The following GTF3C2 variants were observed in gnomAD, a reference collection of about 807,000 sequenced individuals.
GTF3C2 encodes the protein general transcription factor IIIC subunit 2, also known as general transcription factor 3C polypeptide 2.
Under a neutral mutation model 117.4 loss-of-function variants are expected in GTF3C2, and 17 were observed. That is an observed-to-expected ratio of 0.14 (90% CI 0.10 to 0.22). GTF3C2 has a LOEUF of 0.22. GTF3C2 is among the 10% of genes least tolerant of loss of function. The pLI is 1.00. For missense variants in GTF3C2, 888 were observed against 1,143.6 expected (o/e 0.78, Z 3.22); for synonymous variants, 437 against 427.0 (o/e 1.02, Z -0.29).
chr2:27,331,133 T>G (rs1394494120), intron 12 of GTF3C2, among the ~76,000 whole-genome samples: 1 of 152,088 alleles, frequency 6.6e-6, no homozygotes, highest in Non-Finnish European at 1.5e-5. Context: ...GAGACTAAGA[T>G]AAATGGACTG....
At chr2:27,333,063 C>T (rs1202001180) in intron 12 of GTF3C2, among the ~76,000 whole-genome samples, 2 of 151,666 alleles carry the variant, frequency 1.3e-5, no homozygotes, top group Non-Finnish European at 2.9e-5. Context: ...CCCAGCTGGT[C>T]TTGAACTCCC....
chr2:27,338,392 G>A (rs1056577568), intron 4 of GTF3C2: 6 of 254,356 alleles, frequency 2.4e-5, no homozygotes, highest in Non-Finnish European at 3.8e-5. Context: ...AGGTCTCCTC[G>A]ATGATGGTAT....
chr2:27,327,965 T>C, intron 17 of GTF3C2, 72 bp downstream of exon 17: 1 of 1,284,352 alleles, frequency 7.8e-7, no homozygotes, highest in Non-Finnish European at 1.1e-6. Context: ...GAACTCAGGC[T>C]TGCGTACTAT....
exon 16 of GTF3C2, chr2:27,328,534 A>C: frequency 6.2e-7 from 1 of 1,610,334 alleles, no homozygotes; most frequent in Non-Finnish European, 8.5e-7. Flanking sequence ...ATATAGCAGC[A>C]ATGAGCTCCC....
chr2:27,333,078 T>G (rs1384008095), intron 12 of GTF3C2, among the ~76,000 whole-genome samples: 1 of 151,618 alleles, frequency 6.6e-6, no homozygotes, highest in Non-Finnish European at 1.5e-5. Context: ...ACTCCCAGCC[T>G]CAAGTGATTC....
chr2:27,355,589 C>G (rs1305937915), intron 1 of GTF3C2, among the ~76,000 whole-genome samples: 1 of 151,920 alleles, frequency 6.6e-6, no homozygotes, highest in African/African-American at 2.4e-5. Flanking sequence ...TCTGGATACA[C>G]AGTAAAGGAA....
chr2:27,329,152 C>T lies in GTF3C2; in HGVS notation c.2008G>A (p.Val670Ile). ...TAGCAGTTGTCCTGAGCCACAGTGA[C>T]ACCATTGTAGGGAAGCAGCCAGGCC... Residue 670 changes from valine (V) to isoleucine (I), a missense_variant, in exon 14 of 19, where the codon GTC becomes ATC. By Grantham distance (29) the Val-to-Ile change is conservative (BLOSUM62 3). Coordinates refer to ENST00000264720, the Ensembl canonical transcript of GTF3C2. This position sits in a 1 kb window ranked among gnomAD's most constrained non-coding sequence, Gnocchi z 4.5. 1 of 1,614,154 alleles carries T rather than the reference C, an allele frequency of 6.2e-7. No individual in the cohort carries two copies. Among genetic ancestry groups the T allele is most frequent in the Non-Finnish European group, 8.5e-7 (1 of 1,180,018 alleles).
At chr2:27,352,115 T>TCA (rs1462369713) in intron 1 of GTF3C2, among the ~76,000 whole-genome samples, 1 of 152,206 alleles carries the variant, frequency 6.6e-6, no homozygotes, top group Admixed American at 6.6e-5. Context: ...TCTCTGTATG[T>TCA]CAGCCACATC....
chr2:27,342,454 A>G (rs1364711785), intron 3 of GTF3C2: 10 of 566,404 alleles, frequency 1.8e-5, no homozygotes, highest in Admixed American at 3.1e-5. Flanking sequence ...ATCTGAACCC[A>G]GGTCTTCTCA....
Position 27,351,878 on chromosome 2 carries a change from C to T in GTF3C2, c.-25+4861G>A, listed in dbSNP as rs566976981. On this transcript the variant is annotated intron_variant, in intron 1 of 18. Transcript: ENST00000264720. ...GCAGACCAACAGTCCCACACGCCCCCCATCTTGTAAAAATCTTGTTCCTTT... is the reference window on the plus strand; with the variant it reads ...GCAGACCAACAGTCCCACACGCCCCTCATCTTGTAAAAATCTTGTTCCTTT... 3.9e-5 allele frequency among the ~76,000 whole-genome samples: 6 copies of T among 152,070 alleles called. No individual in the cohort carries two copies. The South Asian group carries it at 1.0e-3, about 26-fold the overall frequency.
intron 1 of GTF3C2, among the ~76,000 whole-genome samples, chr2:27,352,680 TAA>T (rs909333770): frequency 1.3e-5 from 2 of 152,152 alleles, no homozygotes; most frequent in Non-Finnish European, 2.9e-5. Flanking sequence ...TATATAGATA[TAA>T]AAAAAGTTTA....
chr2:27,329,330 GC>G lies in GTF3C2; in HGVS notation c.1877+48del. The G allele has an allele frequency of 6.2e-7, 1 of 1,613,804 alleles. No homozygotes were observed. The highest frequency in any genetic ancestry group is 8.5e-7 in the Non-Finnish European group (1 of 1,179,666). On this transcript the variant is annotated intron_variant, in intron 13 of 18. Transcript: ENST00000264720. This position sits in a 1 kb window ranked among gnomAD's most constrained non-coding sequence, Gnocchi z 4.5. Reference sequence around the variant, plus strand: ...CAAATCCAAACAAATCCGGAAGTCAGCCTGTCCCAGTCTTCACCTTCCCCCT... The same window carrying G: ...CAAATCCAAACAAATCCGGAAGTCAGCTGTCCCAGTCTTCACCTTCCCCCT...
intron 1 of GTF3C2, among the ~76,000 whole-genome samples, chr2:27,346,750 G>C (rs1466139862): frequency 6.7e-6 from 1 of 149,772 alleles, no homozygotes; most frequent in African/African-American, 2.5e-5. Context: ...ACTAGAATGT[G>C]GTGGTGTGAT....
At chr2:27,354,246 C>A (rs555394158) in intron 1 of GTF3C2, among the ~76,000 whole-genome samples, 1 of 151,808 alleles carries the variant, frequency 6.6e-6, no homozygotes, top group African/African-American at 2.4e-5. Context: ...TCATGCCACT[C>A]GACTCCAGCC....
At chr2:27,344,950 A>C (rs1680867203) in intron 1 of GTF3C2, among the ~76,000 whole-genome samples, 1 of 151,626 alleles carries the variant, frequency 6.6e-6, no homozygotes, top group Non-Finnish European at 1.5e-5. Flanking sequence ...GTGTTACCAT[A>C]CTCCAGCCTG....
intron 10 of GTF3C2, chr2:27,335,370 G>T (rs763305171): frequency 1.5e-6 from 1 of 667,792 alleles, no homozygotes; most frequent in Admixed American, 2.1e-5. Context: ...ACAGAAGAGG[G>T]AAGAAGGGGG....
At chr2:27,331,645 A>G (rs1310588767) in intron 12 of GTF3C2, among the ~76,000 whole-genome samples, 1 of 152,102 alleles carries the variant, frequency 6.6e-6, no homozygotes, top group African/African-American at 2.4e-5. Context: ...TCATTTAAAA[A>G]TAACAATCTA....
intron 4 of GTF3C2, chr2:27,340,354 C>T (rs980431715): frequency 2.0e-5 from 3 of 151,996 alleles, no homozygotes; most frequent in African/African-American, 4.8e-5. Flanking sequence ...CCTCAGCCTC[C>T]CGAGTAGCTG....
chr2:27,348,049 T>A (rs566044109), intron 1 of GTF3C2, among the ~76,000 whole-genome samples: 32 of 152,240 alleles, frequency 2.1e-4, no homozygotes, highest in African/African-American at 6.7e-4. Flanking sequence ...GACGGGCCAA[T>A]CACGAGGTCA....
Sources: gnomAD v4.1 joint callset for allele counts (sites outside exome capture counted in the v4.1 genomes callset) on GRCh38, gnomAD v4.1.1 for gene constraint, Gnocchi (gnomAD v3.1) non-coding constraint, MANE v1.5 for transcripts, NCBI Gene and HGNC (gene_info 2026-07-23, HGNC 2026-07-21) for gene names.